The following DISC1 variants were observed in gnomAD, a reference collection of about 807,000 sequenced individuals.
DISC1 encodes disrupted in schizophrenia 1 protein.
A neutral mutation model predicts 84.5 loss-of-function variants in DISC1; 57 were observed. The observed-to-expected ratio is 0.67, with a 90% CI of 0.55 to 0.84. DISC1 has a LOEUF of 0.84. Among genes scored for constraint, DISC1 ranks in the 40% least tolerant of loss-of-function variants. The pLI is 0.00. For missense variants in DISC1, 1,000 were observed against 1,057.8 expected (o/e 0.95, Z 0.76); for synonymous variants, 411 against 415.2 (o/e 0.99, Z 0.12).
intron 1 of DISC1, among the ~76,000 whole-genome samples, 198 bp from the exon 2 acceptor site, chr1:231,693,628 A>G (rs1458218156): frequency 6.6e-6 from 1 of 152,146 alleles, no homozygotes. Flanking sequence ...GTTGATTTCT[A>G]CATGTTCCAG....
chr1:231,878,282 A>G (rs978478334), intron 9 of DISC1, among the ~76,000 whole-genome samples: 1 of 152,170 alleles, frequency 6.6e-6, no homozygotes, highest in African/African-American at 2.4e-5. Flanking sequence ...GGAAGGTACA[A>G]GAGTGTGAAA....
chr1:231,771,167 C>G (rs1238807176), intron 6 of DISC1, 97 bp downstream of exon 6: 9 of 1,465,240 alleles, frequency 6.1e-6, no homozygotes, highest in Non-Finnish European at 8.1e-6. Context: ...AAACATTTCC[C>G]AAGCAGTCTG....
intron 9 of DISC1, among the ~76,000 whole-genome samples, chr1:231,927,139 C>G (rs1321155507): frequency 1.3e-5 from 2 of 152,154 alleles, no homozygotes; most frequent in Non-Finnish European, 2.9e-5. Context: ...AAGGCGAATC[C>G]CTTTTTCTTT....
chr1:231,794,032 C>T (rs115810286), intron 6 of DISC1, among the ~76,000 whole-genome samples: 1 of 152,178 alleles, frequency 6.6e-6, no homozygotes, highest in African/African-American at 2.4e-5. Context: ...GATCCACCCC[C>T]CAAGGCCTCC....
chr1:231,782,319 C>T (rs904894966), intron 6 of DISC1, among the ~76,000 whole-genome samples: 1 of 152,120 alleles, frequency 6.6e-6, no homozygotes, highest in African/African-American at 2.4e-5. Context: ...TAAAGTATGT[C>T]CATCTTTAGT....
chr1:231,638,511 A>G (rs2059374731), intron 1 of DISC1, among the ~76,000 whole-genome samples: 1 of 152,120 alleles, frequency 6.6e-6, no homozygotes, highest in Admixed American at 6.5e-5. Flanking sequence ...AGTTGAATTT[A>G]GTTTTGTATA....
intron 9 of DISC1, among the ~76,000 whole-genome samples, chr1:231,843,134 T>A (rs556603210): frequency 9.2e-5 from 14 of 152,126 alleles, no homozygotes; most frequent in African/African-American, 3.1e-4. Flanking sequence ...CCAGGAAAGA[T>A]TTCTGGAAGA....
intron 10 of DISC1, among the ~76,000 whole-genome samples, chr1:231,976,146 C>G (rs1382146045): frequency 6.6e-6 from 1 of 152,248 alleles, no homozygotes; most frequent in South Asian, 2.1e-4. Context: ...GAGCAAGGGA[C>G]CTAACTATTT....
At chr1:231,883,387 G>T (rs1000707691) in intron 9 of DISC1, among the ~76,000 whole-genome samples, 2 of 152,170 alleles carry the variant, frequency 1.3e-5, no homozygotes, top group Admixed American at 6.5e-5. Context: ...TGGTAGTGGT[G>T]TGGAGAGGGG....
chr1:231,791,032 C>T (rs1473655080), intron 6 of DISC1, among the ~76,000 whole-genome samples: 1 of 152,180 alleles, frequency 6.6e-6, no homozygotes, highest in Non-Finnish European at 1.5e-5. Flanking sequence ...GCCACAGCCA[C>T]CCCCCAGGCT....
intron 5 of DISC1, among the ~76,000 whole-genome samples, chr1:231,770,384 T>TA (rs1289910722): frequency 3.3e-5 from 5 of 152,204 alleles, no homozygotes; most frequent in African/African-American, 1.2e-4. Context: ...AGCCATTTTT[T>TA]ACCTTTCTCT....
At chr1:231,702,103 G>T in intron 3 of DISC1, 79 bp downstream of exon 3, 1 of 1,532,658 alleles carries the variant, frequency 6.5e-7, no homozygotes, top group Non-Finnish European at 8.7e-7. Flanking sequence ...TCTACCTTTT[G>T]AATCCCAAAA....
intron 3 of DISC1, among the ~76,000 whole-genome samples, chr1:231,735,786 A>T (rs2072403600): frequency 6.6e-6 from 1 of 152,206 alleles, no homozygotes; most frequent in African/African-American, 2.4e-5. Flanking sequence ...CTTATTCCTC[A>T]TCCAAACTGT....
At chr1:231,702,774 T>C (rs199579014) in intron 3 of DISC1, 8 of 181,306 alleles carry the variant, frequency 4.4e-5, no homozygotes, top group Non-Finnish European at 8.4e-5. Context: ...TCAGGTATGG[T>C]TGTCCTGGGA....
In DISC1 at chr1:232,026,504, G is replaced by A; in HGVS notation, c.2377G>A (p.Glu793Lys). The change falls in exon 12 of 13, where the codon GAA (glutamate) becomes AAA (lysine). Residue 793 changes from glutamate (E) to lysine (K), a missense_variant. This residue lies in a region of DISC1 where 397 missense variants were observed against 377.5 expected (regional missense o/e 1.05). Transcript: ENST00000439617. The part of the protein sequence containing the change: ...EDIGKKLLYL[E>K]DQLHTAIHSH... ...CATAGGCAAGAAGCTATTGTACTTG[G>A]AAGATCAACTTCACACAGCAATCCA... The A allele has an allele frequency of 6.2e-7, 1 of 1,608,206 alleles. No homozygotes were observed. The highest frequency in any genetic ancestry group is 2.2e-5 in the East Asian group (1 of 44,810).
intron 9 of DISC1, among the ~76,000 whole-genome samples, chr1:231,901,055 A>G (rs1432072536): frequency 1.3e-5 from 2 of 152,126 alleles, no homozygotes; most frequent in East Asian, 3.9e-4. Flanking sequence ...TGTAGAGAAA[A>G]CATGTTTTGG....
rs907659270 is a variant in DISC1 at position 231,831,648 on chromosome 1, C to T, written c.1981+13131C>T. 2.3e-4 allele frequency among the ~76,000 whole-genome samples: 30 copies of T among 127,742 alleles called. No individual in the cohort carries two copies. The East Asian group carries it at 2.5e-3, about 10-fold the overall frequency. 83.8% of individuals were successfully genotyped at this position (127,742 alleles called of 152,430 possible). ...CTCCAGCTTCCTTTGGAAGTAAAGC[C>T]GCCTTGAGCAGAGTTTTTATTAGAG... On this transcript the variant is annotated intron_variant, in intron 9 of 12. Coordinates refer to ENST00000439617, the MANE Select transcript of DISC1 (RefSeq NM_018662.3).
intron 9 of DISC1, among the ~76,000 whole-genome samples, chr1:231,825,643 C>T (rs931625651): frequency 6.6e-6 from 1 of 152,174 alleles, no homozygotes; most frequent in Non-Finnish European, 1.5e-5. Flanking sequence ...CATCCCTGGT[C>T]ATTGCCTGCA....
rs1479349368 is a variant in DISC1, at chr1:231,667,871, T to C, written c.68-25955T>C. On this transcript the variant is annotated intron_variant, in intron 1 of 12. Transcript: ENST00000439617. ...TACTTATTTTTTCAAAACTACTTTA[T>C]TGAGGTCTTATTGACATAAAAAAAG... 2.6e-5 allele frequency among the ~76,000 whole-genome samples: 4 copies of C among 152,142 alleles called. No homozygotes were observed. In the East Asian group the frequency reaches 7.7e-4, roughly 29 times the overall value.
Sources: gnomAD v4.1 joint callset for allele counts (sites outside exome capture counted in the v4.1 genomes callset) on GRCh38, gnomAD v4.1.1 for gene constraint, gnomAD v4.1.1 regional missense constraint, MANE v1.5 for transcripts, NCBI Gene and HGNC (gene_info 2026-07-23, HGNC 2026-07-21) for gene names.